The following CACNA2D1 variants were observed in gnomAD, a reference collection of about 807,000 sequenced individuals.
CACNA2D1 encodes voltage-dependent calcium channel subunit alpha-2/delta-1.
A neutral mutation model predicts 171.5 loss-of-function variants in CACNA2D1; 53 were observed. The ratio of observed to expected loss-of-function variants is 0.31; its 90% CI spans 0.25 to 0.39. The LOEUF (loss-of-function observed/expected upper bound fraction) is 0.39. Among genes scored for constraint, CACNA2D1 ranks in the 10% least tolerant of loss-of-function variants. The probability of loss-of-function intolerance (pLI) is 1.00; values close to 1 mark genes in which losing one functional copy is unlikely to be tolerated. For synonymous variants in CACNA2D1, 442 were observed against 443.1 expected (o/e 1.00, Z 0.03); for missense variants, 903 against 1,299.8 (o/e 0.69, Z 4.69).
In CACNA2D1 at chr7:82,279,761, T is replaced by A. The variant is rs541369133; in HGVS notation, c.294+55374A>T. Among the ~76,000 whole-genome samples the A allele has an allele frequency of 3.3e-5, 5 of 152,234 alleles. No homozygotes were observed. The South Asian group carries it at 1.0e-3, about 32-fold the overall frequency. ...GTTGTTAAGATTTGAAAAAATTAGGTCTCCCTGAATAAAATCATAATAAGT... is the reference window on the plus strand; with the variant it reads ...GTTGTTAAGATTTGAAAAAATTAGGACTCCCTGAATAAAATCATAATAAGT... On this transcript the variant is annotated intron_variant, in intron 3 of 38. Transcript: ENST00000356860.
At chr7:82,364,037 C>T (rs1301822643) in intron 1 of CACNA2D1, among the ~76,000 whole-genome samples, 1 of 152,076 alleles carries the variant, frequency 6.6e-6, no homozygotes, top group Non-Finnish European at 1.5e-5. Context: ...AGTTCAAGAC[C>T]AGCCTGGCCA....
At chr7:81,955,046 A>T (rs1347427881) in intron 38 of CACNA2D1, among the ~76,000 whole-genome samples, 1 of 152,162 alleles carries the variant, frequency 6.6e-6, no homozygotes, top group Admixed American at 6.6e-5. Flanking sequence ...TAAATTTCTC[A>T]ATGGACAGAA....
intron 1 of CACNA2D1, among the ~76,000 whole-genome samples, chr7:82,367,828 G>A (rs924581494): frequency 6.6e-5 from 10 of 152,144 alleles, no homozygotes; most frequent in African/African-American, 2.4e-4. Context: ...TAGTAGAATG[G>A]AGAGGATATG....
At chr7:81,963,800 G>A (rs1270420479) in intron 34 of CACNA2D1, among the ~76,000 whole-genome samples, 1 of 151,748 alleles carries the variant, frequency 6.6e-6, no homozygotes, top group African/African-American at 2.4e-5. Flanking sequence ...GATATGTAGA[G>A]GAAGGAAGAC....
At chr7:81,960,025 A>C (rs1793920859) in intron 36 of CACNA2D1, among the ~76,000 whole-genome samples, 196 bp from the exon 37 acceptor site, 1 of 152,118 alleles carries the variant, frequency 6.6e-6, no homozygotes. Context: ...ACCTATGTCA[A>C]ATGAATAAAA....
At chr7:82,114,558 C>A (rs980640189) in intron 6 of CACNA2D1, among the ~76,000 whole-genome samples, 1 of 151,938 alleles carries the variant, frequency 6.6e-6, no homozygotes, top group East Asian at 1.9e-4. Flanking sequence ...GCCTGGCCAA[C>A]ATGGTGAAAC....
At position 81,959,371 on chromosome 7, in the gene CACNA2D1, G is replaced by C; in HGVS notation, c.3077-14C>G. Reference sequence around the variant, plus strand: ...TTGGACCGTCAGCTAAAAGAGACTTGTTAAGGAATCTCATGTTAGTTTTTT... The same window carrying C: ...TTGGACCGTCAGCTAAAAGAGACTTCTTAAGGAATCTCATGTTAGTTTTTT... On this transcript the variant is annotated splice_polypyrimidine_tract_variant and intron_variant, in intron 37 of 38. Coordinates refer to ENST00000356860, the MANE Select transcript of CACNA2D1 (RefSeq NM_000722.4). 6.4e-7 allele frequency: 1 copy of C among 1,568,300 alleles called. No individual in the cohort carries two copies.
intron 3 of CACNA2D1, among the ~76,000 whole-genome samples, chr7:82,302,769 A>C (rs1813191695): frequency 6.6e-6 from 1 of 152,132 alleles, no homozygotes; most frequent in Non-Finnish European, 1.5e-5. Context: ...TGAATTTCAG[A>C]AATGACTATG....
intron 6 of CACNA2D1, among the ~76,000 whole-genome samples, chr7:82,085,375 T>C (rs1278712604): frequency 6.6e-6 from 1 of 152,046 alleles, no homozygotes; most frequent in Non-Finnish European, 1.5e-5. Flanking sequence ...ACATAGAATA[T>C]GAGGAGAAAT....
At chr7:82,105,202 T>A (rs1293279814) in intron 6 of CACNA2D1, among the ~76,000 whole-genome samples, 1 of 152,068 alleles carries the variant, frequency 6.6e-6, no homozygotes, top group Non-Finnish European at 1.5e-5. Context: ...AATTATTGTG[T>A]CAATCTTATT....
chr7:82,360,383 C>A (rs1004699289), intron 1 of CACNA2D1, among the ~76,000 whole-genome samples: 3 of 152,116 alleles, frequency 2.0e-5, no homozygotes, highest in Non-Finnish European at 4.4e-5. Context: ...GAAATACATG[C>A]ATATTAATAA....
At chr7:82,367,481 C>A (rs1821874546) in intron 1 of CACNA2D1, among the ~76,000 whole-genome samples, 1 of 152,230 alleles carries the variant, frequency 6.6e-6, no homozygotes, top group South Asian at 2.1e-4. Flanking sequence ...CATCACTTTT[C>A]CCTGCTTTCT....
intron 8 of CACNA2D1, among the ~76,000 whole-genome samples, 182 bp from the exon 9 acceptor site, chr7:82,064,536 C>T (rs1584607374): frequency 6.6e-6 from 1 of 151,918 alleles, no homozygotes; most frequent in East Asian, 1.9e-4. Context: ...AAAGCAATAT[C>T]CAATATAACA....
chr7:82,114,175 C>A (rs909411146), intron 6 of CACNA2D1, among the ~76,000 whole-genome samples: 32 of 151,754 alleles, frequency 2.1e-4, no homozygotes, highest in Admixed American at 1.8e-3. Flanking sequence ...TATATGTATG[C>A]CTATGTAAAC....
At position 81,974,446 on chromosome 7, in the gene CACNA2D1, C is replaced by T. The variant is rs1489608992; in HGVS notation, c.2053+9G>A. Reference sequence around the variant, plus strand: ...CTCAAGCAATCATTTTGAATTAATGCATACTTACATGATGGGTTGTTTGGA... The same window carrying T: ...CTCAAGCAATCATTTTGAATTAATGTATACTTACATGATGGGTTGTTTGGA... On this transcript the variant is annotated intron_variant, in intron 25 of 38. Transcript: ENST00000356860. The T allele has an allele frequency of 3.7e-6, 5 of 1,336,320 alleles. No individual in the cohort carries two copies. Among genetic ancestry groups the T allele is most frequent in the African/African-American group, 1.4e-5 (1 of 69,342 alleles). The allele number at this position is 1,336,320 out of a possible 1,614,324, so 82.8% of individuals were successfully genotyped here.
At position 81,948,163 on chromosome 7, in the gene CACNA2D1, AAACT is replaced by A. The variant is rs1204900354; in HGVS notation, c.*2225_*2228del. On this transcript the variant is annotated 3_prime_UTR_variant, in exon 39 of 39. Transcript: ENST00000356860. ...TTTAATGTGCATTGTTTATATACAC[AAACT>A]AACAATTTTATATTTTGATACCCCC... The A allele has an allele frequency of 2.0e-5, 3 of 152,008 alleles. No homozygotes were observed. Among genetic ancestry groups the A allele is most frequent in the African/African-American group, 4.8e-5 (2 of 41,532 alleles). The allele number at this position is 152,008 out of a possible 1,614,324, so 9.4% of individuals were successfully genotyped here.
intron 12 of CACNA2D1, among the ~76,000 whole-genome samples, chr7:82,027,105 A>ACCCCC (rs1802027128): frequency 6.6e-6 from 1 of 151,666 alleles, no homozygotes; most frequent in Non-Finnish European, 1.5e-5. Flanking sequence ...ATGGGTACAA[A>ACCCCC]AAAATAGAAT....
chr7:82,236,201 A>T (rs1427813494), intron 3 of CACNA2D1, among the ~76,000 whole-genome samples: 1 of 152,072 alleles, frequency 6.6e-6, no homozygotes, highest in Non-Finnish European at 1.5e-5. Flanking sequence ...AGTTACCAAT[A>T]AATAGCGAAT....
At chr7:82,365,326 A>C (rs1821558700) in intron 1 of CACNA2D1, among the ~76,000 whole-genome samples, 1 of 152,266 alleles carries the variant, frequency 6.6e-6, no homozygotes, top group African/African-American at 2.4e-5. Flanking sequence ...TACAATTTTC[A>C]GTTCTCTAGA....
Sources: gnomAD v4.1 joint callset for allele counts (sites outside exome capture counted in the v4.1 genomes callset) on GRCh38, gnomAD v4.1.1 for gene constraint, MANE v1.5 for transcripts, NCBI Gene and HGNC (gene_info 2026-07-23, HGNC 2026-07-21) for gene names.